The following ITSN1 variants were observed in gnomAD, a reference collection of about 807,000 sequenced individuals.
The protein encoded by ITSN1 is intersectin-1.
In ITSN1, 58 loss-of-function variants were observed where a neutral mutation model predicts 239.8. The observed-to-expected ratio is 0.24, with a 90% CI of 0.20 to 0.30. The LOEUF (loss-of-function observed/expected upper bound fraction) is 0.30, where lower values mean the gene tolerates loss of function less well. Among genes scored for constraint, ITSN1 ranks in the 10% least tolerant of loss-of-function variants. ITSN1 has a pLI of 1.00. For synonymous variants in ITSN1, 780 were observed against 770.8 expected (o/e 1.01, Z -0.20); for missense variants, 1,558 against 2,103.3 (o/e 0.74, Z 5.07).
At chr21:33,858,816 G>A in intron 31 of ITSN1, 24 bp downstream of exon 31, 1 of 1,449,738 alleles carries the variant, frequency 6.9e-7, no homozygotes, top group Non-Finnish European at 9.7e-7. Flanking sequence ...CTAATCCCCA[G>A]CCTGGCTTGG....
At chr21:33,874,156 CAAAAAAAAAAAAA>C (rs778588764) in intron 33 of ITSN1, among the ~76,000 whole-genome samples, 9 of 29,202 alleles carry the variant, frequency 3.1e-4, no homozygotes, top group Admixed American at 6.3e-4. Flanking sequence ...AACTCCGTCT[CAAAAAAAAAAAAA>C]AAAAAAAAAG....
At chr21:33,712,246 T>G (rs1232165825) in intron 1 of ITSN1, among the ~76,000 whole-genome samples, 1 of 152,196 alleles carries the variant, frequency 6.6e-6, no homozygotes, top group African/African-American at 2.4e-5. Context: ...CCAGTAGTTT[T>G]GGATTATATC....
chr21:33,707,224 T>C (rs2092279957), intron 1 of ITSN1, among the ~76,000 whole-genome samples: 1 of 152,194 alleles, frequency 6.6e-6, no homozygotes. Context: ...GTGGCTCTCT[T>C]TTCAACTTCA....
At chr21:33,652,603 G>A (rs1020040253) in intron 1 of ITSN1, among the ~76,000 whole-genome samples, 11 of 152,056 alleles carry the variant, frequency 7.2e-5, no homozygotes, top group Admixed American at 1.3e-4. Context: ...GCAGCATACC[G>A]CTCTCAGATG....
intron 1 of ITSN1, among the ~76,000 whole-genome samples, chr21:33,716,824 A>T (rs8128459): frequency 0.055 from 8,361 of 151,618 alleles, 787 homozygotes; most frequent in African/African-American, 0.19. Flanking sequence ...TGGTGGGGCG[A>T]GCCTGTAATC....
intron 1 of ITSN1, among the ~76,000 whole-genome samples, chr21:33,705,088 G>T (rs1473601691): frequency 1.4e-5 from 2 of 143,000 alleles, no homozygotes; most frequent in African/African-American, 2.6e-5. Flanking sequence ...TCCAGCCTGG[G>T]CAACAGAGCA....
chr21:33,756,095 A>T (rs1411906670), intron 8 of ITSN1, among the ~76,000 whole-genome samples: 1 of 152,074 alleles, frequency 6.6e-6, no homozygotes, highest in Admixed American at 6.5e-5. Flanking sequence ...GGATCACCTG[A>T]GGTCAGGAGT....
intron 29 of ITSN1, among the ~76,000 whole-genome samples, chr21:33,849,015 C>T (rs1200165754): frequency 2.0e-5 from 3 of 152,080 alleles, no homozygotes; most frequent in African/African-American, 4.8e-5. Flanking sequence ...CCGAGGCGGG[C>T]GGATCACCTG....
chr21:33,676,097 C>T (rs2090575048), intron 1 of ITSN1, among the ~76,000 whole-genome samples: 3 of 150,700 alleles, frequency 2.0e-5, no homozygotes, highest in Admixed American at 2.0e-4. Flanking sequence ...TGCAGTGGCA[C>T]GATCTCGGCT....
intron 1 of ITSN1, among the ~76,000 whole-genome samples, chr21:33,654,580 T>C (rs1174823098): frequency 2.6e-5 from 4 of 152,118 alleles, no homozygotes; most frequent in Admixed American, 2.6e-4. Flanking sequence ...CCTCCTTCTC[T>C]ACACAAAAGA....
chr21:33,864,195 T>C (rs947506211), intron 31 of ITSN1, among the ~76,000 whole-genome samples: 1 of 152,208 alleles, frequency 6.6e-6, no homozygotes, highest in African/African-American at 2.4e-5. Flanking sequence ...AGGCATTCAA[T>C]AGGGACATCC....
At chr21:33,819,136 G>A (rs1014463240) in intron 23 of ITSN1, 105 bp from the exon 24 acceptor site, 44 of 796,704 alleles carry the variant, frequency 5.5e-5, no homozygotes, top group Admixed American at 2.4e-4. Flanking sequence ...GCTGTGGGTC[G>A]TTTAAAGTTT....
intron 1 of ITSN1, among the ~76,000 whole-genome samples, chr21:33,700,094 T>G (rs972082400): frequency 4.0e-5 from 6 of 151,814 alleles, no homozygotes; most frequent in African/African-American, 1.2e-4. Context: ...GTTTTGTTTT[T>G]TTTTGGAGAC....
At chr21:33,851,778 CTTT>C (rs35567402) in intron 29 of ITSN1, among the ~76,000 whole-genome samples, 3 of 66,216 alleles carry the variant, frequency 4.5e-5, no homozygotes, top group South Asian at 6.8e-4. Context: ...CTTTTCTTTC[CTTT>C]TTTTTTTTTT....
intron 32 of ITSN1, among the ~76,000 whole-genome samples, chr21:33,866,701 C>G (rs1306618495): frequency 1.3e-5 from 2 of 152,314 alleles, no homozygotes; most frequent in African/African-American, 4.8e-5. Context: ...GCTAAGTGGC[C>G]AGACCCTGAA....
At chr21:33,716,184 G>C (rs1351240253) in intron 1 of ITSN1, among the ~76,000 whole-genome samples, 1 of 152,098 alleles carries the variant, frequency 6.6e-6, no homozygotes, top group African/African-American at 2.4e-5. Flanking sequence ...GCTGAAGTCA[G>C]TTTTACAGCT....
intron 5 of ITSN1, among the ~76,000 whole-genome samples, chr21:33,749,641 CAAAA>C (rs558593343): frequency 7.7e-6 from 1 of 130,176 alleles, no homozygotes; most frequent in African/African-American, 2.8e-5. Flanking sequence ...GACTCCATCT[CAAAA>C]AAAAAAAGAA....
intron 8 of ITSN1, among the ~76,000 whole-genome samples, chr21:33,761,200 C>T (rs571651595): frequency 3.3e-5 from 5 of 152,086 alleles, no homozygotes; most frequent in South Asian, 2.1e-4. Flanking sequence ...TTCAGCATCC[C>T]GAGTAACTGT....
At chr21:33,814,259 G>A (rs2073116815) in intron 22 of ITSN1, 187 bp downstream of exon 22, 1 of 505,584 alleles carries the variant, frequency 2.0e-6, no homozygotes, top group Non-Finnish European at 3.5e-6. Flanking sequence ...GGGGGTGGGG[G>A]TGGGACACAG....
Sources: allele counts gnomAD v4.1 joint callset (sites outside exome capture counted in the v4.1 genomes callset), GRCh38; gene constraint gnomAD v4.1.1; transcripts MANE v1.5; gene names NCBI Gene and HGNC (gene_info 2026-07-23, HGNC 2026-07-21).